Variants in CENPP observed in about 807,000 individuals in gnomAD.
CENPP encodes centromere protein P.
In CENPP, 24 loss-of-function variants were observed where a neutral mutation model predicts 35.6. The ratio of observed to expected loss-of-function variants is 0.67; its 90% CI spans 0.49 to 0.95. The LOEUF (loss-of-function observed/expected upper bound fraction) is 0.95. Ranked by LOEUF, CENPP falls within the 40% of genes least tolerant of loss-of-function variation. CENPP has a pLI of 0.00. For missense variants in CENPP, 332 were observed against 345.3 expected, an observed-to-expected ratio of 0.96 and a Z score of 0.31; for synonymous variants, 120 against 125.5, an observed-to-expected ratio of 0.96 and a Z score of 0.29.
chr9:92,474,127 G>A (rs143261961), intron 5 of CENPP, among the ~76,000 whole-genome samples: 5 of 152,160 alleles, frequency 3.3e-5, no homozygotes, highest in African/African-American at 9.7e-5. Context: ...ATTTTAAAAA[G>A]ACTTTATCCA....
At chr9:92,481,034 C>G (rs1389568038) in intron 5 of CENPP, among the ~76,000 whole-genome samples, 2 of 152,154 alleles carry the variant, frequency 1.3e-5, no homozygotes, top group Non-Finnish European at 2.9e-5. Context: ...TCCTTTTATA[C>G]TAATTTTGCC....
At chr9:92,352,516 T>C (rs58009930) in intron 4 of CENPP, among the ~76,000 whole-genome samples, 12 of 104,068 alleles carry the variant, frequency 1.2e-4, no homozygotes, top group African/African-American at 5.4e-4. Context: ...TATACATATA[T>C]ATATATATAT....
At chr9:92,357,181 CTTTA>C (rs1294495314) in intron 4 of CENPP, among the ~76,000 whole-genome samples, 4 of 151,400 alleles carry the variant, frequency 2.6e-5, no homozygotes, top group African/African-American at 9.7e-5. Context: ...ATGTATTTAC[CTTTA>C]TTGAGTCTTT....
intron 5 of CENPP, among the ~76,000 whole-genome samples, chr9:92,566,298 T>C (rs1849965252): frequency 7.2e-6 from 1 of 138,816 alleles, no homozygotes. Flanking sequence ...AGTCTCCATC[T>C]CAAAAAAAAA....
At chr9:92,504,114 CAT>C (rs1846849303) in intron 5 of CENPP, among the ~76,000 whole-genome samples, 1 of 152,298 alleles carries the variant, frequency 6.6e-6, no homozygotes, top group Middle Eastern at 3.4e-3. Flanking sequence ...TGTGTTTTAA[CAT>C]GTGTATGCAT....
rs774987564 is a variant in CENPP at position 92,459,766 on chromosome 9, C to G, written c.564+79907C>G. On this transcript the variant is annotated intron_variant, in intron 5 of 7. Transcript: ENST00000375587. ...TCTGTGATTTTGTTGTTTCCTAGGCCCAGCCTAAAAATGATATAAAATGCA... is the reference window on the plus strand; with the variant it reads ...TCTGTGATTTTGTTGTTTCCTAGGCGCAGCCTAAAAATGATATAAAATGCA... The G allele has an allele frequency of 1.4e-5, 23 of 1,613,038 alleles. No homozygotes were observed. In the South Asian group the frequency reaches 2.5e-4, roughly 18 times the overall value.
At chr9:92,545,171 C>T (rs1053805365) in intron 5 of CENPP, among the ~76,000 whole-genome samples, 3 of 152,226 alleles carry the variant, frequency 2.0e-5, no homozygotes, top group African/African-American at 7.2e-5. Context: ...TCAGCCCACG[C>T]TGTGCTGTGG....
intron 5 of CENPP, among the ~76,000 whole-genome samples, chr9:92,398,922 C>T (rs1208855692): frequency 2.6e-5 from 4 of 151,872 alleles, no homozygotes; most frequent in Non-Finnish European, 4.4e-5. Flanking sequence ...ATTAGCCTGG[C>T]GTGGTGGCGC....
rs776664075 is a variant in CENPP at position 92,470,655 on chromosome 9, G to A, written c.564+90796G>A. The A allele has an allele frequency of 7.0e-6, 9 of 1,283,672 alleles. No individual in the cohort carries two copies. The African/African-American group carries it at 7.5e-5, about 11-fold the overall frequency. 79.5% of individuals were successfully genotyped at this position (1,283,672 alleles called of 1,614,324 possible). A position where few individuals can be genotyped will look rare whatever the true frequency, so the allele number is the denominator to read the frequency against. On this transcript the variant is annotated intron_variant, in intron 5 of 7. Transcript: ENST00000375587. ...TTCACTTAAATCTTTGAAAGTATGA[G>A]GATATATTCTTACATAAAGTGAAGT... is the stretch of plus-strand genomic sequence containing the variant.
At chr9:92,599,650 G>C (rs796790472) in intron 5 of CENPP, among the ~76,000 whole-genome samples, 11 of 152,108 alleles carry the variant, frequency 7.2e-5, no homozygotes, top group African/African-American at 2.6e-4. Flanking sequence ...CTCCTGACCT[G>C]ACGTGGTCCA....
At chr9:92,550,992 T>G (rs1378614251) in intron 5 of CENPP, among the ~76,000 whole-genome samples, 1 of 152,198 alleles carries the variant, frequency 6.6e-6, no homozygotes. Flanking sequence ...CAGTGTGGTC[T>G]GTCTTCAGGG....
At chr9:92,545,766 G>A (rs1849426975) in intron 5 of CENPP, among the ~76,000 whole-genome samples, 1 of 152,234 alleles carries the variant, frequency 6.6e-6, no homozygotes, top group South Asian at 2.1e-4. Flanking sequence ...CTAGCTAAGG[G>A]ATTGTAGATA....
In CENPP at chr9:92,379,864, A is replaced by G; in HGVS notation, c.564+5A>G. 1 of 1,567,542 alleles carries G rather than the reference A, an allele frequency of 6.4e-7. No homozygotes were observed. On this transcript the variant is annotated splice_donor_5th_base_variant and intron_variant, in intron 5 of 7. Coordinates refer to ENST00000375587, the MANE Select transcript of CENPP (RefSeq NM_001012267.3). Reference sequence around the variant, plus strand: ...CGCACGTTTAAACATCTCAAGGTAAAGTCTGAAGTCTTTGAATTTAAACAT... The same window carrying G: ...CGCACGTTTAAACATCTCAAGGTAAGGTCTGAAGTCTTTGAATTTAAACAT...
chr9:92,361,218 G>A (rs1841739888), intron 4 of CENPP, among the ~76,000 whole-genome samples: 1 of 151,448 alleles, frequency 6.6e-6, no homozygotes, highest in Non-Finnish European at 1.5e-5. Context: ...TTGGTTCACT[G>A]CAACCTCTGC....
chr9:92,535,295 T>G (rs1849100142), intron 5 of CENPP, among the ~76,000 whole-genome samples: 1 of 152,218 alleles, frequency 6.6e-6, no homozygotes, highest in Non-Finnish European at 1.5e-5. Context: ...TTTTCATTGA[T>G]ATACAGAATT....
Position 92,334,478 on chromosome 9 carries a change from G to A in CENPP, c.289+2127G>A, listed in dbSNP as rs184259526. Among the ~76,000 whole-genome samples, 331 of 152,226 alleles carry A rather than the reference G, an allele frequency of 2.2e-3. 1 individual carries two copies. The highest frequency in any genetic ancestry group is 7.3e-3 in the African/African-American group (303 of 41,538). Reference sequence around the variant, plus strand: ...GTCTTTTGATTAGCTTTAAATGTATGTTGTTAAAAATATGTAGATGGGCTT... The same window carrying A: ...GTCTTTTGATTAGCTTTAAATGTATATTGTTAAAAATATGTAGATGGGCTT... On this transcript the variant is annotated intron_variant, in intron 2 of 7. Coordinates refer to ENST00000375587, the MANE Select transcript of CENPP (RefSeq NM_001012267.3).
At chr9:92,409,917 CTTTGT>C (rs1393394184) in intron 5 of CENPP, among the ~76,000 whole-genome samples, 1 of 152,034 alleles carries the variant, frequency 6.6e-6, no homozygotes, top group African/African-American at 2.4e-5. Flanking sequence ...TGAGGTTTTT[CTTTGT>C]TTTGTTTTGT....
In CENPP at chr9:92,366,868, A is replaced by G. The variant is rs78101943; in HGVS notation, c.468-12895A>G. ...TGGAGTTACTGCAGGTTGAACATCC[A>G]TAATCTGAAATCCAAACTGCTCTAA... On this transcript the variant is annotated intron_variant, in intron 4 of 7. Coordinates refer to ENST00000375587, the MANE Select transcript of CENPP (RefSeq NM_001012267.3). 6.5e-3 allele frequency among the ~76,000 whole-genome samples: 985 copies of G among 152,286 alleles called. 14 individuals carry two copies. The highest frequency in any genetic ancestry group is 0.019 in the African/African-American group (805 of 41,560).
chr9:92,601,800 G>A (rs1181562381), intron 5 of CENPP, among the ~76,000 whole-genome samples: 1 of 152,242 alleles, frequency 6.6e-6, no homozygotes, highest in East Asian at 1.9e-4. Context: ...ACTGACAGAT[G>A]TCAAAAGAGC....
Sources: allele counts gnomAD v4.1 joint callset (sites outside exome capture counted in the v4.1 genomes callset), GRCh38; gene constraint gnomAD v4.1.1; transcripts MANE v1.5; gene names NCBI Gene and HGNC (gene_info 2026-07-23, HGNC 2026-07-21).